The following ZNF33A variants were observed in gnomAD, a reference collection of about 807,000 sequenced individuals.
ZNF33A encodes brain my041 protein.
ZNF33A carries 9 observed loss-of-function variants against 15.9 expected under a neutral mutation model. The ratio of observed to expected loss-of-function variants is 0.57; its 90% CI spans 0.34 to 0.99. The LOEUF (loss-of-function observed/expected upper bound fraction) is 0.99, where lower values mean the gene tolerates loss of function less well. Ranked by LOEUF, ZNF33A falls within the 50% of genes least tolerant of loss-of-function variation. The probability of loss-of-function intolerance (pLI) is 0.02; values close to 1 mark genes in which losing one functional copy is unlikely to be tolerated. For synonymous variants in ZNF33A, 294 were observed against 324.2 expected, an observed-to-expected ratio of 0.91 and a Z score of 1.00; for missense variants, 843 against 941.6, an observed-to-expected ratio of 0.90 and a Z score of 1.37.
chr10:38,029,016 C>T (rs561651049), intron 4 of ZNF33A, among the ~76,000 whole-genome samples: 30 of 152,154 alleles, frequency 2.0e-4, no homozygotes, highest in Admixed American at 1.4e-3. Context: ...CATTGTGTAC[C>T]GATAATGTAA....
intron 4 of ZNF33A, among the ~76,000 whole-genome samples, chr10:38,044,502 G>A (rs1216486369): frequency 6.6e-6 from 1 of 151,896 alleles, no homozygotes; most frequent in African/African-American, 2.4e-5. Flanking sequence ...GAGCCACCCT[G>A]CCTGGCCCAA....
intron 4 of ZNF33A, among the ~76,000 whole-genome samples, chr10:38,035,862 C>G (rs1590600059): frequency 6.6e-6 from 1 of 152,124 alleles, no homozygotes; most frequent in East Asian, 1.9e-4. Flanking sequence ...AATAAATTAT[C>G]AGACTTTTTT....
downstream of ZNF33A, among the ~76,000 whole-genome samples, chr10:38,062,312 G>C (rs993193311): frequency 6.6e-6 from 1 of 152,150 alleles, no homozygotes; most frequent in African/African-American, 2.4e-5. Flanking sequence ...CTAGTCTCAG[G>C]TGGTTTGTTA....
rs764126025 is a variant in ZNF33A, at chr10:38,056,828, G to A, written c.*268G>A. 13 of 1,130,206 alleles carry A rather than the reference G, an allele frequency of 1.2e-5. No homozygotes were observed. In the South Asian group the frequency reaches 3.3e-4, roughly 28 times the overall value. The allele number at this position is 1,130,206 out of a possible 1,614,324, so 70.0% of individuals were successfully genotyped here. Reference sequence around the variant, plus strand: ...AAAATTTTGCTTAGAAATAAAATACGACAAGTTATGTTTTGAGTTTGATGC... The same window carrying A: ...AAAATTTTGCTTAGAAATAAAATACAACAAGTTATGTTTTGAGTTTGATGC... On this transcript the variant is annotated 3_prime_UTR_variant, in exon 5 of 5. Transcript: ENST00000432900.
At chr10:38,064,284 T>A, downstream of ZNF33A, 2 of 619,796 alleles carry the variant, frequency 3.2e-6, no homozygotes, top group South Asian at 2.2e-5. Flanking sequence ...TTGCAACAAA[T>A]CTGGAAACAG....
chr10:38,034,037 T>G (rs2065334206), intron 4 of ZNF33A, among the ~76,000 whole-genome samples: 1 of 152,158 alleles, frequency 6.6e-6, no homozygotes, highest in Admixed American at 6.6e-5. Context: ...TTTATGCACT[T>G]GTTGGCTATT....
At chr10:38,047,289 A>G (rs1336941187) in intron 4 of ZNF33A, among the ~76,000 whole-genome samples, 2 of 151,810 alleles carry the variant, frequency 1.3e-5, no homozygotes, top group Admixed American at 6.6e-5. Flanking sequence ...TAGCATAGTA[A>G]TAGAAGCCAT....
In ZNF33A at chr10:38,056,897, A is replaced by T. The variant is rs116903736; in HGVS notation, c.*337A>T. ...ACCTAACAATAATTTATAGATGTAT[A>T]TTGTGGAATGTAAAGCTTTAAGAAC... On this transcript the variant is annotated 3_prime_UTR_variant, in exon 5 of 5. Transcript: ENST00000432900. 2 of 989,380 alleles carry T rather than the reference A, an allele frequency of 2.0e-6. No individual in the cohort carries two copies. Among genetic ancestry groups the T allele is most frequent in the Admixed American group, 5.4e-5 (1 of 18,390 alleles). 61.3% of individuals were successfully genotyped at this position (989,380 alleles called of 1,614,324 possible).
At chr10:38,027,369 T>C (rs2065030743) in intron 4 of ZNF33A, among the ~76,000 whole-genome samples, 2 of 152,088 alleles carry the variant, frequency 1.3e-5, no homozygotes, top group African/African-American at 4.8e-5. Flanking sequence ...GTATTTTTTT[T>C]TTAAGAGACA....
chr10:38,039,226 G>T, intron 4 of ZNF33A, among the ~76,000 whole-genome samples: 1 of 150,806 alleles, frequency 6.6e-6, no homozygotes. Flanking sequence ...TTTCTTGTCT[G>T]TTTTTTGTCT....
intron 4 of ZNF33A, among the ~76,000 whole-genome samples, chr10:38,027,282 A>AT (rs1475085580): frequency 6.6e-6 from 1 of 151,664 alleles, no homozygotes; most frequent in Non-Finnish European, 1.5e-5. Flanking sequence ...TTTTACTGGA[A>AT]TTTTTGTGTG....
At chr10:38,027,548 G>A (rs530536907) in intron 4 of ZNF33A, among the ~76,000 whole-genome samples, 1 of 150,778 alleles carries the variant, frequency 6.6e-6, no homozygotes, top group African/African-American at 2.4e-5. Flanking sequence ...TGGTGGAAAC[G>A]GCATGTTGCT....
intron 4 of ZNF33A, among the ~76,000 whole-genome samples, chr10:38,025,957 A>T (rs1670511537): frequency 6.6e-6 from 1 of 152,150 alleles, no homozygotes; most frequent in African/African-American, 2.4e-5. Flanking sequence ...AGCCTATGGT[A>T]ACCCCTTATC....
At chr10:38,022,787 C>T (rs985924605) in intron 4 of ZNF33A, among the ~76,000 whole-genome samples, 5 of 151,524 alleles carry the variant, frequency 3.3e-5, no homozygotes, top group Non-Finnish European at 7.4e-5. Flanking sequence ...TAAAGGTTGA[C>T]ATAATTTGAA....
intron 4 of ZNF33A, among the ~76,000 whole-genome samples, chr10:38,047,190 C>CAAAAAAAAAAA (rs61278605): frequency 1.1e-4 from 7 of 64,026 alleles, no homozygotes; most frequent in African/African-American, 2.9e-4. Flanking sequence ...CCACCCCTGC[C>CAAAAAAAAAAA]AAAAAAAAAA....
At chr10:38,019,051 T>C (rs1269010859) in intron 4 of ZNF33A, among the ~76,000 whole-genome samples, 2 of 152,046 alleles carry the variant, frequency 1.3e-5, no homozygotes, top group African/African-American at 2.4e-5. Flanking sequence ...TTGTTACATA[T>C]GTATACATGT....
chr10:38,021,335 T>G (rs1165541178), intron 4 of ZNF33A, among the ~76,000 whole-genome samples: 1 of 151,642 alleles, frequency 6.6e-6, no homozygotes, highest in African/African-American at 2.4e-5. Flanking sequence ...AAAACAAAAC[T>G]GATTGAGCTG....
At chr10:38,030,734 G>A (rs1590562969) in intron 4 of ZNF33A, among the ~76,000 whole-genome samples, 1 of 152,256 alleles carries the variant, frequency 6.6e-6, no homozygotes, top group East Asian at 1.9e-4. Context: ...CAAAAGGGAT[G>A]GAGTTTGTGT....
intron 4 of ZNF33A, chr10:38,043,858 C>CTTTTTTTTTTTT (rs1333516063): frequency 7.6e-6 from 1 of 132,262 alleles, no homozygotes; most frequent in Non-Finnish European, 1.7e-5. Flanking sequence ...TTTTTGGCCT[C>CTTTTTTTTTTTT]TTTTTTTTTT....
Sources: allele counts gnomAD v4.1 joint callset (sites outside exome capture counted in the v4.1 genomes callset), GRCh38; gene constraint gnomAD v4.1.1; transcripts MANE v1.5; gene names NCBI Gene and HGNC (gene_info 2026-07-23, HGNC 2026-07-21).